UCN3: variants seen among roughly 807,000 people sequenced by gnomAD.
The protein encoded by UCN3 is urocortin-3.
Under a neutral mutation model 3.6 loss-of-function variants are expected in UCN3, and 3 were observed. That is an observed-to-expected ratio of 0.83 (90% confidence interval 0.38 to 2.15). The LOEUF (loss-of-function observed/expected upper bound fraction) is 2.15, where lower values mean the gene tolerates loss of function less well. Among genes scored for constraint, UCN3 ranks in the 30% most tolerant of loss-of-function variants. The pLI is 0.06. For synonymous variants in UCN3, 100 were observed against 93.2 expected, an observed-to-expected ratio of 1.07 and a Z score of -0.42; for missense variants, 206 against 208.3, an observed-to-expected ratio of 0.99 and a Z score of 0.07.
At chr10:5,373,107 T>A (rs1293507535) in intron 1 of UCN3, among the ~76,000 whole-genome samples, 1 of 152,224 alleles carries the variant, frequency 6.6e-6, no homozygotes, top group East Asian at 1.9e-4. Context: ...TTTGGCTTCA[T>A]AAATCATAAA....
chr10:5,373,930 A>G lies in UCN3; in HGVS notation c.210A>G (p.Gly70=). The change falls in exon 2 of 2, where the codon GGA becomes GGG. Residue 70 remains glycine, a synonymous_variant. Transcript: ENST00000380433. ...TGCGCAGCAGAGACGCCTCTTCGGG[A>G]GAGGAGGAGGAGGGCAAAGAGAAAA... ...HYLRSRDASS[G]EEEEGKEKKT... is the part of the protein sequence containing the mutation. 1 of 1,613,056 alleles carries G rather than the reference A, an allele frequency of 6.2e-7. No individual in the cohort carries two copies. Among genetic ancestry groups the G allele is most frequent in the Admixed American group, 1.7e-5 (1 of 59,846 alleles).
chr10:5,370,562 TGTGTATATGC>T lies in UCN3; in HGVS notation c.-6-3143_-6-3134del, dbSNP rs1220809480. On this transcript the variant is annotated intron_variant, in intron 1 of 1. Coordinates refer to ENST00000380433, the MANE Select transcript of UCN3 (RefSeq NM_053049.4). ...ATGCGTGTATATGTGTGTATATGTG[TGTGTATATGC>T]GTGTATATGTGTGTATATGTGTGTG... Among the ~76,000 whole-genome samples the T allele has an allele frequency of 2.1e-4, 25 of 120,754 alleles. 7 individuals are homozygous for T. The highest frequency in any genetic ancestry group is 2.7e-4 in the Admixed American group (3 of 11,076). The allele number at this position is 120,754 out of a possible 152,430, so 79.2% of individuals were successfully genotyped here.
At chr10:5,368,101 T>A (rs1461065201) in intron 1 of UCN3, among the ~76,000 whole-genome samples, 1 of 152,172 alleles carries the variant, frequency 6.6e-6, no homozygotes, top group Non-Finnish European at 1.5e-5. Context: ...CCTCCCAGGC[T>A]CAAGCAATTC....
At chr10:5,370,876 TG>T (rs1831409159) in intron 1 of UCN3, among the ~76,000 whole-genome samples, 1 of 119,846 alleles carries the variant, frequency 8.3e-6, no homozygotes, top group East Asian at 2.5e-4. Context: ...TGTATGTGTG[TG>T]TATATGCGTG....
In UCN3 at chr10:5,370,943, G is replaced by GTGTGTA. The variant is rs2119109951; in HGVS notation, c.-6-2771_-6-2770insGTGTAT. On this transcript the variant is annotated intron_variant, in intron 1 of 1. Coordinates refer to ENST00000380433, the MANE Select transcript of UCN3 (RefSeq NM_053049.4). ...TGCGTGTGTATATGTGTGTTCATGT[G>GTGTGTA]TATGTGTGTAAGGTGTGTGTGTGTG... 3.6e-5 allele frequency among the ~76,000 whole-genome samples: 4 copies of GTGTGTA among 110,704 alleles called. No homozygotes were observed. The South Asian group carries it at 1.3e-3, about 37-fold the overall frequency. 72.6% of individuals were successfully genotyped at this position (110,704 alleles called of 152,430 possible). A position where few individuals can be genotyped will look rare whatever the true frequency, so the allele number is the denominator to read the frequency against.
At chr10:5,369,997 GTGTGTGTGTATGTGTGTGTATA>G (rs1312383655) in intron 1 of UCN3, among the ~76,000 whole-genome samples, 7 of 44,818 alleles carry the variant, frequency 1.6e-4, no homozygotes, top group Admixed American at 2.9e-4. Context: ...ATGTGTGTAT[GTGTGTGTGTATGTGTGTGTATA>G]TGTGTGTGTA....
intron 1 of UCN3, among the ~76,000 whole-genome samples, chr10:5,369,055 G>C (rs1231134374): frequency 3.9e-5 from 6 of 152,192 alleles, no homozygotes; most frequent in Non-Finnish European, 7.3e-5. Flanking sequence ...GGCTGTGTTT[G>C]AACCGCGCCT....
At chr10:5,370,990 T>A (rs1388776198) in intron 1 of UCN3, among the ~76,000 whole-genome samples, 1 of 150,668 alleles carries the variant, frequency 6.6e-6, no homozygotes, top group East Asian at 1.9e-4. Flanking sequence ...ATGTGAGGTA[T>A]GTATGTGTGT....
chr10:5,366,950 G>A lies in UCN3; in HGVS notation c.-7+1720G>A, dbSNP rs1554810734. ...TTTCACAGATTTTTCCACACCTTCAGCACCCTAGCCGTGATTACAGTATTC... is the reference window on the plus strand; with the variant it reads ...TTTCACAGATTTTTCCACACCTTCAACACCCTAGCCGTGATTACAGTATTC... On this transcript the variant is annotated intron_variant, in intron 1 of 1. Coordinates refer to ENST00000380433, the MANE Select transcript of UCN3 (RefSeq NM_053049.4). This position sits in a 1 kb window ranked among gnomAD's most constrained non-coding sequence, Gnocchi z 4.2. 6.6e-6 allele frequency among the ~76,000 whole-genome samples: 1 copy of A among 152,132 alleles called. No individual in the cohort carries two copies. The highest frequency in any genetic ancestry group is 6.5e-5 in the Admixed American group (1 of 15,270).
rs368715937 is a variant in UCN3 at position 5,370,330 on chromosome 10, C to T, written c.-6-3385C>T. Among the ~76,000 whole-genome samples the T allele has an allele frequency of 4.1e-3, 57 of 13,822 alleles. 4 individuals carry two copies. The highest frequency in any genetic ancestry group is 0.062 in the Middle Eastern group (1 of 16). 9.1% of individuals were successfully genotyped at this position (13,822 alleles called of 152,430 possible). The stretch of plus-strand genomic sequence containing the variant: ...ATATGCGTGTATGTGTGTGTATATG[C>T]GTGTGTATATGCGTGTGTATATGTG... On this transcript the variant is annotated intron_variant, in intron 1 of 1. Transcript: ENST00000380433.
In UCN3 at chr10:5,370,214, T is replaced by TGC. The variant is rs146560502; in HGVS notation, c.-6-3500_-6-3499insCG. ...ATGCGTGTGTATATGCGTGTGTATG[T>TGC]GTGTGTATGTGCGTGTGTGTATGCG... On this transcript the variant is annotated intron_variant, in intron 1 of 1. Transcript: ENST00000380433. Among the ~76,000 whole-genome samples, 213 of 78,138 alleles carry TGC rather than the reference T, an allele frequency of 2.7e-3. 60 individuals are homozygous for TGC. The highest frequency in any genetic ancestry group is 0.011 in the Middle Eastern group (1 of 90). 51.3% of individuals were successfully genotyped at this position (78,138 alleles called of 152,430 possible).
At chr10:5,371,439 CTGTG>C (rs1173811479) in intron 1 of UCN3, among the ~76,000 whole-genome samples, 1 of 151,950 alleles carries the variant, frequency 6.6e-6, no homozygotes, top group East Asian at 1.9e-4. Flanking sequence ...CCTGTGCGTC[CTGTG>C]TGTGTGTCTG....
In UCN3 at chr10:5,374,221, C is replaced by T. The variant is rs782559053; in HGVS notation, c.*15C>T. 76 of 1,026,624 alleles carry T rather than the reference C, an allele frequency of 7.4e-5. No individual in the cohort carries two copies. Among genetic ancestry groups the T allele is most frequent in the Admixed American group, 7.1e-4 (22 of 30,962 alleles). The allele number at this position is 1,026,624 out of a possible 1,614,324, so 63.6% of individuals were successfully genotyped here. On this transcript the variant is annotated 3_prime_UTR_variant, in exon 2 of 2. Transcript: ENST00000380433. The stretch of plus-strand genomic sequence containing the variant: ...GGAAGAAGTAGAGGCGGAGGCTGGA[C>T]GGGAGGGCAGCGGGGTGGGGAGGGG...
intron 1 of UCN3, among the ~76,000 whole-genome samples, chr10:5,370,078 CGT>C (rs1831335491): frequency 7.8e-4 from 10 of 12,760 alleles, no homozygotes; most frequent in Non-Finnish European, 9.2e-4. Context: ...TGTGTATATG[CGT>C]GTGTATATGC....
intron 1 of UCN3, among the ~76,000 whole-genome samples, chr10:5,370,153 A>ATGCGTGTGTATATGCGTGTGTATG (rs1831341933): frequency 3.9e-5 from 1 of 25,854 alleles, no homozygotes. Context: ...GCGTGTGTAT[A>ATGCGTGTGTATATGCGTGTGTATG]TGTGTGTGTA....
Position 5,374,582 on chromosome 10 carries a change from T to G in UCN3, c.*376T>G. The G allele has an allele frequency of 5.6e-6, 1 of 178,104 alleles. No individual in the cohort carries two copies. Among genetic ancestry groups the G allele is most frequent in the Non-Finnish European group, 1.2e-5 (1 of 83,802 alleles). The allele number at this position is 178,104 out of a possible 1,614,324, so 11.0% of individuals were successfully genotyped here. A position where few individuals can be genotyped will look rare whatever the true frequency, so the allele number is the denominator to read the frequency against. The stretch of plus-strand genomic sequence containing the variant: ...CTGAGAAGAGAGCGTTCAGGGCTCC[T>G]CTCCCACACATCAACTTCTTCCAGG... On this transcript the variant is annotated 3_prime_UTR_variant, in exon 2 of 2. Transcript: ENST00000380433.
rs1554811789 is a variant in UCN3, at chr10:5,373,969, C to T, written c.249C>T (p.Ile83=). 1 of 1,610,686 alleles carries T rather than the reference C, an allele frequency of 6.2e-7. No homozygotes were observed. The highest frequency in any genetic ancestry group is 8.5e-7 in the Non-Finnish European group (1 of 1,178,470). The change falls in exon 2 of 2, where the codon ATC becomes ATT. Residue 83 remains isoleucine (I), a synonymous_variant. Coordinates refer to ENST00000380433, the MANE Select transcript of UCN3 (RefSeq NM_053049.4). ...EEGKEKKTFP[I]SGARGGARGT... Reference sequence around the variant, plus strand: ...GCAAAGAGAAAAAGACTTTCCCCATCTCTGGGGCCAGGGGTGGAGCCAGAG... The same window carrying T: ...GCAAAGAGAAAAAGACTTTCCCCATTTCTGGGGCCAGGGGTGGAGCCAGAG...
intron 1 of UCN3, among the ~76,000 whole-genome samples, chr10:5,369,491 A>T (rs1554810989): frequency 2.0e-5 from 3 of 152,190 alleles, no homozygotes; most frequent in African/African-American, 7.2e-5. Context: ...ATTGAAATTC[A>T]CAGAGGTTAT....
intron 1 of UCN3, among the ~76,000 whole-genome samples, chr10:5,370,453 GTGTA>G (rs1399366673): frequency 1.7e-5 from 2 of 115,696 alleles, no homozygotes; most frequent in East Asian, 3.4e-4. Context: ...GTATGTGTGT[GTGTA>G]TATGTGTGTA....
Sources: gnomAD v4.1 joint callset for allele counts (sites outside exome capture counted in the v4.1 genomes callset) on GRCh38, gnomAD v4.1.1 for gene constraint, Gnocchi (gnomAD v3.1) non-coding constraint, MANE v1.5 for transcripts, NCBI Gene and HGNC (gene_info 2026-07-23, HGNC 2026-07-21) for gene names.